Variants in XYLT1 observed in about 807,000 individuals in gnomAD.
The protein encoded by XYLT1 is beta-D-xylosyltransferase 1.
XYLT1 carries 36 observed loss-of-function variants against 91.3 expected under a neutral mutation model. The observed-to-expected ratio is 0.39, with a 90% CI of 0.30 to 0.52. The LOEUF is 0.52. Ranked by LOEUF, XYLT1 falls within the 20% of genes least tolerant of loss-of-function variation. The probability of loss-of-function intolerance (pLI) is 0.68; values close to 1 mark genes in which losing one functional copy is unlikely to be tolerated. For missense variants in XYLT1, 1,242 were observed against 1,284.5 expected (o/e 0.97, Z 0.51); for synonymous variants, 588 against 532.0 (o/e 1.11, Z -1.45).
intron 3 of XYLT1, among the ~76,000 whole-genome samples, chr16:17,236,818 T>C (rs2033256408): frequency 6.6e-6 from 1 of 152,222 alleles, no homozygotes; most frequent in African/African-American, 2.4e-5. Flanking sequence ...CTGAACGTCC[T>C]CTTTTTATAC....
chr16:17,311,710 A>C (rs936047898), intron 2 of XYLT1, among the ~76,000 whole-genome samples: 2 of 152,138 alleles, frequency 1.3e-5, no homozygotes, highest in African/African-American at 4.8e-5. Flanking sequence ...CACACTGCTG[A>C]TAAAGGCATG....
rs112277121 is a variant in XYLT1 at position 17,137,764 on chromosome 16, A to G, written c.1764+591T>C. On this transcript the variant is annotated intron_variant, in intron 8 of 11. Coordinates refer to ENST00000261381, the MANE Select transcript of XYLT1 (RefSeq NM_022166.4). ...AGAACACAGTGTTTTCCCACAGAAC[A>G]CAGTGGTTTCCAAACCTGGCTGCTC... The G allele has an allele frequency of 6.9e-3, 1,047 of 151,322 alleles. 24 individuals are homozygous for G. Among genetic ancestry groups the G allele is most frequent in the African/African-American group, 0.025 (1,007 of 39,876 alleles). The allele number at this position is 151,322 out of a possible 1,614,324, so 9.4% of individuals were successfully genotyped here.
At chr16:17,430,239 C>T (rs1357550798) in intron 1 of XYLT1, among the ~76,000 whole-genome samples, 3 of 152,128 alleles carry the variant, frequency 2.0e-5, no homozygotes, top group Admixed American at 2.0e-4. Flanking sequence ...ATCCCTAACC[C>T]AATCATCTGA....
At chr16:17,383,597 C>T (rs878877716) in intron 1 of XYLT1, among the ~76,000 whole-genome samples, 2 of 151,822 alleles carry the variant, frequency 1.3e-5, no homozygotes, top group Admixed American at 1.3e-4. Flanking sequence ...ACAAAAGGAA[C>T]ATTTACATTT....
chr16:17,247,614 G>C (rs1010427107), intron 3 of XYLT1, among the ~76,000 whole-genome samples: 49 of 152,224 alleles, frequency 3.2e-4, no homozygotes, highest in Admixed American at 2.7e-3. Flanking sequence ...TTATAGGAAA[G>C]ACGTGAGGCT....
At chr16:17,171,669 T>C (rs1477668884) in intron 5 of XYLT1, among the ~76,000 whole-genome samples, 2 of 152,246 alleles carry the variant, frequency 1.3e-5, no homozygotes, top group Non-Finnish European at 2.9e-5. Context: ...TCAGAAATGA[T>C]TTAAATGAGA....
intron 11 of XYLT1, among the ~76,000 whole-genome samples, chr16:17,110,646 A>G (rs113518736): frequency 7.9e-5 from 12 of 152,200 alleles, no homozygotes; most frequent in African/African-American, 2.7e-4. Flanking sequence ...TAGGATTATT[A>G]CTGTTGGTAT....
chr16:17,325,681 T>C (rs925318796), intron 2 of XYLT1, among the ~76,000 whole-genome samples: 2 of 152,334 alleles, frequency 1.3e-5, no homozygotes, highest in South Asian at 2.1e-4. Context: ...CGTGGGAATA[T>C]ATTGCCTTAT....
intron 1 of XYLT1, among the ~76,000 whole-genome samples, chr16:17,381,251 T>C (rs2035676482): frequency 6.6e-6 from 1 of 152,078 alleles, no homozygotes. Flanking sequence ...TCCAATAATT[T>C]GGGGTGATGA....
chr16:17,242,803 C>T (rs929616072), intron 3 of XYLT1, among the ~76,000 whole-genome samples: 6 of 152,206 alleles, frequency 3.9e-5, no homozygotes, highest in African/African-American at 9.6e-5. Flanking sequence ...GTCTCACCAT[C>T]CTACTCCTGT....
intron 3 of XYLT1, among the ~76,000 whole-genome samples, chr16:17,207,478 G>C (rs73521002): frequency 0.031 from 4,709 of 152,194 alleles, 235 homozygotes; most frequent in African/African-American, 0.11. Flanking sequence ...TTGGGGGAGA[G>C]GCCTCAATGA....
At chr16:17,202,501 C>T (rs1317170022) in intron 3 of XYLT1, among the ~76,000 whole-genome samples, 1 of 152,178 alleles carries the variant, frequency 6.6e-6, no homozygotes, top group African/African-American at 2.4e-5. Context: ...CCTTCTTTCT[C>T]TTCCTCAAAC....
At position 17,106,694 on chromosome 16, in the gene XYLT1, C is replaced by T. The variant is rs1048501754; in HGVS notation, c.*2001G>A. 7 of 152,248 alleles carry T rather than the reference C, an allele frequency of 4.6e-5. No homozygotes were observed. Among genetic ancestry groups the T allele is most frequent in the Admixed American group, 2.6e-4 (4 of 15,282 alleles). The allele number at this position is 152,248 out of a possible 1,614,324, so 9.4% of individuals were successfully genotyped here. On this transcript the variant is annotated 3_prime_UTR_variant, in exon 12 of 12. Transcript: ENST00000261381. ...TAGCACATTCCCCACTCACCCTCCACGTTTTCTGCCTGTCACCTCCTTGTG... is the reference window on the plus strand; with the variant it reads ...TAGCACATTCCCCACTCACCCTCCATGTTTTCTGCCTGTCACCTCCTTGTG...
At chr16:17,323,445 G>A (rs1290719426) in intron 2 of XYLT1, among the ~76,000 whole-genome samples, 1 of 152,208 alleles carries the variant, frequency 6.6e-6, no homozygotes, top group East Asian at 1.9e-4. Context: ...CACTCCAGCA[G>A]CTGGATCACG....
At chr16:17,465,517 A>G (rs1475183020) in intron 1 of XYLT1, among the ~76,000 whole-genome samples, 1 of 143,026 alleles carries the variant, frequency 7.0e-6, no homozygotes, top group Non-Finnish European at 1.5e-5. Context: ...CAGTTGTGTA[A>G]TACCGTCTTC....
chr16:17,397,767 C>T (rs1294518936), intron 1 of XYLT1, among the ~76,000 whole-genome samples: 1 of 151,168 alleles, frequency 6.6e-6, no homozygotes, highest in African/African-American at 2.4e-5. Flanking sequence ...TTCAGACATA[C>T]AAACAGCGGA....
chr16:17,409,114 T>A (rs2036073387), intron 1 of XYLT1, among the ~76,000 whole-genome samples: 1 of 152,104 alleles, frequency 6.6e-6, no homozygotes. Flanking sequence ...CTTCTAAAAG[T>A]GAACAGAAGG....
chr16:17,134,489 C>T lies in XYLT1; in HGVS notation c.2011G>A (p.Gly671Arg), dbSNP rs1442935644. The change falls in exon 9 of 12, where the codon GGG becomes AGG. Residue 671 changes from glycine (G) to arginine (R), a missense_variant. Around this residue, in one of 3 missense-constraint regions of XYLT1, gnomAD observed 511 missense variants for 497.0 expected, o/e 1.03. Transcript: ENST00000261381. ...AGGGCTCACCGGCAGCTGTTCTCCC[C>T]ATCCGTGTGCAGGGACGTCTCGGCC... ...RRAETSLHTD[G>R]ENSCRYYPMG... is the part of the protein sequence containing the mutation. 2.5e-6 allele frequency: 4 copies of T among 1,614,150 alleles called. No individual in the cohort carries two copies. Among genetic ancestry groups the T allele is most frequent in the East Asian group, 2.2e-5 (1 of 44,884 alleles).
At chr16:17,134,204 CT>C (rs1411756223) in intron 9 of XYLT1, among the ~76,000 whole-genome samples, 1 of 152,108 alleles carries the variant, frequency 6.6e-6, no homozygotes, top group African/African-American at 2.4e-5. Context: ...AAGCTTCCTT[CT>C]AAAGTATATA....
Sources: gnomAD v4.1 joint callset for allele counts (sites outside exome capture counted in the v4.1 genomes callset) on GRCh38, gnomAD v4.1.1 for gene constraint, gnomAD v4.1.1 regional missense constraint, MANE v1.5 for transcripts, NCBI Gene and HGNC (gene_info 2026-07-23, HGNC 2026-07-21) for gene names.